Variants in CDK6 observed in about 807,000 individuals in gnomAD.
CDK6 encodes cyclin dependent kinase 6.
A neutral mutation model predicts 37.1 loss-of-function variants in CDK6; 6 were observed. The observed-to-expected ratio is 0.16, with a 90% CI of 0.09 to 0.32. The LOEUF (loss-of-function observed/expected upper bound fraction) is 0.32. CDK6 is among the 10% of genes least tolerant of loss of function. CDK6 has a pLI of 1.00. For synonymous variants in CDK6, 160 were observed against 161.3 expected (o/e 0.99, Z 0.06); for missense variants, 224 against 418.9 (o/e 0.53, Z 4.06).
chr7:92,772,936 ATCTG>A (rs886441905), intron 3 of CDK6, among the ~76,000 whole-genome samples: 3 of 152,146 alleles, frequency 2.0e-5, no homozygotes, highest in African/African-American at 4.8e-5. Context: ...TGGTTGCCTC[ATCTG>A]TCTGTTTTTT....
In CDK6 at chr7:92,608,665, T is replaced by C. The variant is rs1795488523; in HGVS notation, c.*6475A>G. 4.3e-6 allele frequency: 1 copy of C among 231,384 alleles called. No homozygotes were observed. The highest frequency in any genetic ancestry group is 8.6e-6 in the Non-Finnish European group (1 of 116,884). The allele number at this position is 231,384 out of a possible 1,614,324, so 14.3% of individuals were successfully genotyped here. A position where few individuals can be genotyped will look rare whatever the true frequency, so the allele number is the denominator to read the frequency against. Reference sequence around the variant, plus strand: ...TTACCCGAACTTTCGGAGAATTGTGTTGTACTTATTTATGCACAGAAGACA... The same window carrying C: ...TTACCCGAACTTTCGGAGAATTGTGCTGTACTTATTTATGCACAGAAGACA... On this transcript the variant is annotated 3_prime_UTR_variant, in exon 8 of 8. Transcript: ENST00000424848.
intron 4 of CDK6, among the ~76,000 whole-genome samples, chr7:92,688,912 G>A (rs987758989): frequency 2.0e-5 from 3 of 152,082 alleles, no homozygotes; most frequent in Non-Finnish European, 4.4e-5. Context: ...ATTCACCCAC[G>A]CACAGAATTT....
At chr7:92,747,382 CACA>C (rs1430596381) in intron 3 of CDK6, among the ~76,000 whole-genome samples, 2 of 152,168 alleles carry the variant, frequency 1.3e-5, no homozygotes. Flanking sequence ...CAGCTGAAAA[CACA>C]ACAATGGTAT....
chr7:92,821,856 A>G (rs1248010839), intron 2 of CDK6, among the ~76,000 whole-genome samples: 1 of 152,022 alleles, frequency 6.6e-6, no homozygotes, highest in African/African-American at 2.4e-5. Context: ...CCCAAACAGA[A>G]GTAATGGGAC....
intron 5 of CDK6, among the ~76,000 whole-genome samples, chr7:92,661,868 A>G (rs73710429): frequency 9.0e-4 from 137 of 152,350 alleles, no homozygotes; most frequent in African/African-American, 3.1e-3. Context: ...CGTGGCTCAC[A>G]GTAAGTGTGC....
At chr7:92,815,008 A>G (rs1800989539) in intron 2 of CDK6, among the ~76,000 whole-genome samples, 1 of 152,204 alleles carries the variant, frequency 6.6e-6, no homozygotes, top group African/African-American at 2.4e-5. Flanking sequence ...CCACTGCCCT[A>G]GAACAAGCCA....
intron 2 of CDK6, among the ~76,000 whole-genome samples, chr7:92,818,344 A>T (rs1801080260): frequency 6.6e-6 from 1 of 152,044 alleles, no homozygotes; most frequent in African/African-American, 2.4e-5. Flanking sequence ...ATTCAAAATG[A>T]AGAAAGCAAA....
intron 4 of CDK6, among the ~76,000 whole-genome samples, chr7:92,710,237 T>C (rs940102807): frequency 2.6e-5 from 4 of 152,194 alleles, no homozygotes; most frequent in East Asian, 1.9e-4. Context: ...GATTCAATTA[T>C]GAGTGATGAA....
At chr7:92,676,432 A>G (rs936931618) in intron 4 of CDK6, among the ~76,000 whole-genome samples, 3 of 151,902 alleles carry the variant, frequency 2.0e-5, no homozygotes, top group Admixed American at 2.0e-4. Context: ...TTGTTCTGGG[A>G]GTGTAATGGA....
intron 4 of CDK6, among the ~76,000 whole-genome samples, chr7:92,685,366 G>T (rs1454236602): frequency 6.6e-6 from 1 of 152,158 alleles, no homozygotes; most frequent in African/African-American, 2.4e-5. Context: ...CATGCGTGTT[G>T]GGGGCAGTGT....
intron 2 of CDK6, among the ~76,000 whole-genome samples, chr7:92,780,792 A>AAC (rs1799970943): frequency 2.0e-5 from 3 of 150,694 alleles, no homozygotes; most frequent in South Asian, 4.2e-4. Context: ...AAAAAACAAA[A>AAC]AACAACAACA....
At chr7:92,621,467 G>A (rs1268931936) in intron 6 of CDK6, among the ~76,000 whole-genome samples, 1 of 152,164 alleles carries the variant, frequency 6.6e-6, no homozygotes, top group African/African-American at 2.4e-5. Flanking sequence ...CAAGATTGCA[G>A]ACATCAGTGC....
intron 2 of CDK6, among the ~76,000 whole-genome samples, chr7:92,815,161 C>T (rs1800995794): frequency 1.3e-5 from 2 of 152,298 alleles, no homozygotes; most frequent in Non-Finnish European, 1.5e-5. Context: ...CACCAGTTAG[C>T]ATTCCTATTG....
intron 2 of CDK6, among the ~76,000 whole-genome samples, chr7:92,816,542 AT>A (rs1202305151): frequency 6.6e-6 from 1 of 152,098 alleles, no homozygotes; most frequent in Admixed American, 6.6e-5. Context: ...GAATCCATGG[AT>A]TAAAGAATAT....
In CDK6 at chr7:92,609,048, G is replaced by A; in HGVS notation, c.*6092C>T. On this transcript the variant is annotated 3_prime_UTR_variant, in exon 8 of 8. Transcript: ENST00000424848. ...TTCCTGGGAGCAGAGGGGCGAATGA[G>A]GCGGGGGATTTCTCAGCCAGTTTCT... is the stretch of plus-strand genomic sequence containing the variant. 4.3e-6 allele frequency: 1 copy of A among 233,426 alleles called. No homozygotes were observed. The highest frequency in any genetic ancestry group is 8.5e-6 in the Non-Finnish European group (1 of 118,196). 14.5% of individuals were successfully genotyped at this position (233,426 alleles called of 1,614,324 possible). A position where few individuals can be genotyped will look rare whatever the true frequency, so the allele number is the denominator to read the frequency against.
At chr7:92,643,665 C>A (rs1429645657) in intron 5 of CDK6, among the ~76,000 whole-genome samples, 1 of 152,160 alleles carries the variant, frequency 6.6e-6, no homozygotes, top group African/African-American at 2.4e-5. Flanking sequence ...TTTTTGAGTA[C>A]TCTTCAAGGG....
chr7:92,754,324 T>C (rs149966081), intron 3 of CDK6, among the ~76,000 whole-genome samples: 86 of 152,350 alleles, frequency 5.6e-4, no homozygotes, highest in African/African-American at 1.9e-3. Context: ...CTCATTAGTA[T>C]TGATCATTTT....
At chr7:92,694,083 GT>G (rs1797655976) in intron 4 of CDK6, among the ~76,000 whole-genome samples, 1 of 152,182 alleles carries the variant, frequency 6.6e-6, no homozygotes, top group Non-Finnish European at 1.5e-5. Context: ...TAGGGGGTAT[GT>G]GACTAGATGG....
At chr7:92,796,683 A>C (rs915537329) in intron 2 of CDK6, among the ~76,000 whole-genome samples, 1 of 152,122 alleles carries the variant, frequency 6.6e-6, no homozygotes. Flanking sequence ...TTCAAAAAAA[A>C]CCCTCAAAGT....
Sources: gnomAD v4.1 joint callset for allele counts (sites outside exome capture counted in the v4.1 genomes callset) on GRCh38, gnomAD v4.1.1 for gene constraint, MANE v1.5 for transcripts, NCBI Gene and HGNC (gene_info 2026-07-23, HGNC 2026-07-21) for gene names.